PPFIA2: variants seen among roughly 807,000 people sequenced by gnomAD.
PPFIA2 encodes the protein PPFI scaffold protein A2, also known as liprin-alpha-2.
A neutral mutation model predicts 175.5 loss-of-function variants in PPFIA2; 46 were observed. The observed-to-expected ratio is 0.26, with a 90% confidence interval of 0.21 to 0.34. The LOEUF (loss-of-function observed/expected upper bound fraction) is 0.34, where lower values mean the gene tolerates loss of function less well. Ranked by LOEUF, PPFIA2 falls within the 10% of genes least tolerant of loss-of-function variation. The pLI is 1.00. For missense variants in PPFIA2, 1,179 were observed against 1,506.1 expected, an observed-to-expected ratio of 0.78 and a Z score of 3.60; for synonymous variants, 568 against 511.4, an observed-to-expected ratio of 1.11 and a Z score of -1.49.
intron 11 of PPFIA2, among the ~76,000 whole-genome samples, chr12:81,372,044 C>A (rs2035266387): frequency 6.6e-6 from 1 of 151,712 alleles, no homozygotes; most frequent in Non-Finnish European, 1.5e-5. Flanking sequence ...ACCAACACTA[C>A]TGATTTGCAT....
chr12:81,260,224 A>T (rs1354826542), intron 32 of PPFIA2: 1 of 152,204 alleles, frequency 6.6e-6, no homozygotes, highest in Non-Finnish European at 1.5e-5. Context: ...TAATATCAAA[A>T]GTGTTGTTGT....
chr12:81,595,672 T>G (rs1387215340), intron 4 of PPFIA2, among the ~76,000 whole-genome samples: 2 of 152,188 alleles, frequency 1.3e-5, no homozygotes. Flanking sequence ...AAAGATGCAA[T>G]GAAGAGCAAG....
chr12:81,591,882 G>C (rs1176219024), intron 4 of PPFIA2, among the ~76,000 whole-genome samples: 8 of 151,828 alleles, frequency 5.3e-5, no homozygotes, highest in Non-Finnish European at 7.4e-5. Context: ...CTCTACTGGG[G>C]AACCACCATT....
At chr12:81,537,766 C>T (rs78966554) in intron 4 of PPFIA2, among the ~76,000 whole-genome samples, 1 of 151,810 alleles carries the variant, frequency 6.6e-6, no homozygotes, top group African/African-American at 2.4e-5. Context: ...CCATGCCTGG[C>T]CTGCCCCATG....
In PPFIA2 at chr12:81,519,290, C is replaced by T. The variant is rs373009121; in HGVS notation, c.304-61424G>A. 4.9e-4 allele frequency among the ~76,000 whole-genome samples: 74 copies of T among 152,166 alleles called. No homozygotes were observed. In the Middle Eastern group the frequency reaches 0.017, roughly 35 times the overall value. ...TTATCTTCAAATTGATTCTATTCTCCTCAATCTGTCTTTAAGGAAGGATAT... is the reference window on the plus strand; with the variant it reads ...TTATCTTCAAATTGATTCTATTCTCTTCAATCTGTCTTTAAGGAAGGATAT... On this transcript the variant is annotated intron_variant, in intron 4 of 32. Coordinates refer to ENST00000549396, the MANE Select transcript of PPFIA2 (RefSeq NM_003625.5).
At chr12:81,442,847 TCA>T (rs1491132310) in intron 6 of PPFIA2, among the ~76,000 whole-genome samples, 1 of 33,948 alleles carries the variant, frequency 2.9e-5, no homozygotes, top group Non-Finnish European at 5.5e-5. Context: ...TTTTCTGACT[TCA>T]TATATATATA....
At chr12:81,552,019 A>G (rs527660280) in intron 4 of PPFIA2, among the ~76,000 whole-genome samples, 13 of 151,902 alleles carry the variant, frequency 8.6e-5, no homozygotes, top group Non-Finnish European at 1.8e-4. Flanking sequence ...AGTATAACCA[A>G]TTTAAAGAAC....
In PPFIA2 at chr12:81,646,684, C is replaced by T. The variant is rs541913705; in HGVS notation, c.303+30107G>A. 4.3e-4 allele frequency among the ~76,000 whole-genome samples: 65 copies of T among 152,338 alleles called. 2 individuals are homozygous for T. The South Asian group carries it at 0.013, about 30-fold the overall frequency. On this transcript the variant is annotated intron_variant, in intron 4 of 32. Coordinates refer to ENST00000549396, the MANE Select transcript of PPFIA2 (RefSeq NM_003625.5). ...GGAAGAATTTTAAGCCTGTGTTTCA[C>T]TGAATGTGTCCATAGTGACACTAAA...
chr12:81,575,815 C>A (rs535198636), intron 4 of PPFIA2, among the ~76,000 whole-genome samples: 1 of 151,780 alleles, frequency 6.6e-6, no homozygotes, highest in South Asian at 2.1e-4. Flanking sequence ...GTTTACTACT[C>A]TTTTATAAAA....
chr12:81,286,090 G>GA (rs1458168780), intron 24 of PPFIA2, among the ~76,000 whole-genome samples: 1 of 151,564 alleles, frequency 6.6e-6, no homozygotes, highest in Admixed American at 6.6e-5. Context: ...TTAAAGAGGG[G>GA]AAAAAATAAT....
intron 2 of PPFIA2, among the ~76,000 whole-genome samples, chr12:81,757,590 C>T (rs1310443386): frequency 6.6e-6 from 1 of 152,158 alleles, no homozygotes; most frequent in Non-Finnish European, 1.5e-5. Flanking sequence ...AATTTTATAT[C>T]AGGAAAATAA....
At chr12:81,430,912 C>T (rs1191564432) in intron 7 of PPFIA2, 1 of 152,084 alleles carries the variant, frequency 6.6e-6, no homozygotes, top group Non-Finnish European at 1.5e-5. Flanking sequence ...ACTTAATACG[C>T]CCATGCAAGT....
intron 4 of PPFIA2, among the ~76,000 whole-genome samples, chr12:81,542,453 A>G (rs1476659256): frequency 2.0e-5 from 3 of 152,198 alleles, no homozygotes; most frequent in African/African-American, 7.2e-5. Flanking sequence ...ACAGGAAACA[A>G]ATAAAATAGA....
intron 6 of PPFIA2, among the ~76,000 whole-genome samples, chr12:81,441,155 G>A (rs1228519365): frequency 6.6e-6 from 1 of 151,454 alleles, no homozygotes; most frequent in Admixed American, 6.6e-5. Flanking sequence ...TAAAAACCCA[G>A]ATACATAAAA....
intron 4 of PPFIA2, among the ~76,000 whole-genome samples, chr12:81,551,908 AT>A (rs1402885881): frequency 2.6e-5 from 4 of 151,832 alleles, no homozygotes; most frequent in African/African-American, 9.7e-5. Flanking sequence ...AACTGGATTA[AT>A]TACTTTAATT....
chr12:81,586,237 G>C (rs1009363336), intron 4 of PPFIA2, among the ~76,000 whole-genome samples: 1 of 151,818 alleles, frequency 6.6e-6, no homozygotes, highest in Non-Finnish European at 1.5e-5. Flanking sequence ...GAATATTTAC[G>C]ATACAATAAT....
chr12:81,752,666 T>A (rs1263811336), intron 3 of PPFIA2, among the ~76,000 whole-genome samples: 1 of 152,238 alleles, frequency 6.6e-6, no homozygotes. Flanking sequence ...TTGAGAGTCA[T>A]AAATATCTCT....
Position 81,263,402 on chromosome 12 carries a change from G to A in PPFIA2, c.3556-12C>T. 6.2e-7 allele frequency: 1 copy of A among 1,608,124 alleles called. No individual in the cohort carries two copies. On this transcript the variant is annotated splice_polypyrimidine_tract_variant and intron_variant, in intron 30 of 32. Coordinates refer to ENST00000549396, the MANE Select transcript of PPFIA2 (RefSeq NM_003625.5). Reference sequence around the variant, plus strand: ...TTCTTGTCATCACTCTGCCAGTACAGTTATAAGGTGATGTTATGAAAACAA... The same window carrying A: ...TTCTTGTCATCACTCTGCCAGTACAATTATAAGGTGATGTTATGAAAACAA...
In PPFIA2 at chr12:81,289,120, T is replaced by C. The variant is rs111590321; in HGVS notation, c.2926-4817A>G. Among the ~76,000 whole-genome samples, 360 of 151,964 alleles carry C rather than the reference T, an allele frequency of 2.4e-3. 1 individual carries two copies. Among genetic ancestry groups the C allele is most frequent in the African/African-American group, 8.4e-3 (349 of 41,550 alleles). On this transcript the variant is annotated intron_variant, in intron 24 of 32. Coordinates refer to ENST00000549396, the MANE Select transcript of PPFIA2 (RefSeq NM_003625.5). ...AGCTATAATAAAAGTACCTTTCTCA[T>C]AGCTGTAGTTGTGAGAGTCAAATGG... is the stretch of plus-strand genomic sequence containing the variant.
Sources: gnomAD v4.1 joint callset for allele counts (sites outside exome capture counted in the v4.1 genomes callset) on GRCh38, gnomAD v4.1.1 for gene constraint, MANE v1.5 for transcripts, NCBI Gene and HGNC (gene_info 2026-07-23, HGNC 2026-07-21) for gene names.